Variants in CIZ1 observed in about 807,000 individuals in gnomAD.
CIZ1 encodes the protein CDKN1A interacting zinc finger protein 1.
In CIZ1, 58 loss-of-function variants were observed where a neutral mutation model predicts 118.6. The observed-to-expected ratio is 0.49, with a 90% confidence interval of 0.40 to 0.61. The LOEUF (loss-of-function observed/expected upper bound fraction) is 0.61. Ranked by LOEUF, CIZ1 falls within the 20% of genes least tolerant of loss-of-function variation. CIZ1 has a pLI of 0.00. For synonymous variants in CIZ1, 448 were observed against 443.4 expected (o/e 1.01, Z -0.13); for missense variants, 921 against 1,115.9 (o/e 0.83, Z 2.49).
At chr9:128,191,871 C>G, upstream of CIZ1, 1 of 1,464,204 alleles carries the variant, frequency 6.8e-7, no homozygotes, top group South Asian at 1.3e-5. This position sits in a 1 kb window ranked among gnomAD's most constrained non-coding sequence, Gnocchi z 5.5. Context: ...GCGGCCGCCG[C>G]GGTCCTGCGA....
chr9:128,196,698 G>A (rs1455289003), upstream of CIZ1: 1 of 152,184 alleles, frequency 6.6e-6, no homozygotes, highest in Non-Finnish European at 1.5e-5. Context: ...CCACCTCCCG[G>A]GTTCAAGCAA....
chr9:128,169,528 A>C lies in CIZ1; in HGVS notation c.2032-9T>G, dbSNP rs1419481897. 2 of 1,613,618 alleles carry C rather than the reference A, an allele frequency of 1.2e-6. No homozygotes were observed. The highest frequency in any genetic ancestry group is 2.7e-5 in the African/African-American group (2 of 74,914). On this transcript the variant is annotated splice_polypyrimidine_tract_variant and intron_variant, in intron 12 of 16. Transcript: ENST00000372938. Reference sequence around the variant, plus strand: ...AAGGATTGTTTGGCAATCTGGAAAAAGGCAGGCCAACCAAGCAGTGTCCCC... The same window carrying C: ...AAGGATTGTTTGGCAATCTGGAAAACGGCAGGCCAACCAAGCAGTGTCCCC...
rs780756425 is a variant in CIZ1 at position 128,179,036 on chromosome 9, C to T, written c.1171G>A (p.Val391Met). The T allele has an allele frequency of 6.2e-7, 1 of 1,612,762 alleles. No individual in the cohort carries two copies. The highest frequency in any genetic ancestry group is 8.5e-7 in the Non-Finnish European group (1 of 1,178,992). The change falls in exon 8 of 17, where the codon GTG becomes ATG. Residue 391 changes from valine (V) to methionine (M), a missense_variant. By Grantham distance (21) the Val-to-Met change is conservative (BLOSUM62 1). Coordinates refer to ENST00000372938, the MANE Select transcript of CIZ1 (RefSeq NM_001131016.2). ...GGCTCTGCCTCCTGCTGCAGCTGCACCTGCCTTGGGCCCTGTGAATGTGCC... is the reference window on the plus strand; with the variant it reads ...GGCTCTGCCTCCTGCTGCAGCTGCATCTGCCTTGGGCCCTGTGAATGTGCC... ...PQAHSQGPRQ[V>M]QLQQEAEPLK...
chr9:128,176,622 G>T (rs1253674584), intron 10 of CIZ1, 147 bp from the exon 11 acceptor site: 17 of 846,926 alleles, frequency 2.0e-5, no homozygotes, highest in Non-Finnish European at 2.8e-5. Context: ...GCTAGAGCAG[G>T]CATGATAAAC....
At chr9:128,191,960 A>T (rs1459038940), upstream of CIZ1, 6 of 1,378,742 alleles carry the variant, frequency 4.4e-6, no homozygotes, top group Non-Finnish European at 5.7e-6. The surrounding 1 kb of genome is among the most constrained non-coding windows in gnomAD (Gnocchi z 5.5). Flanking sequence ...GACCCAGGCC[A>T]GGCGAGAGGG....
rs1829941022 is a variant in CIZ1, at chr9:128,170,029, C to T, written c.2022G>A (p.Gln674=). The change falls in exon 12 of 17, where the codon CAG becomes CAA. Residue 674 remains glutamine, a synonymous_variant. Transcript: ENST00000372938. ...MGDLIQHRRT[Q]DHKIAKQSLR... ...GTGCAGGCCCTCCTACCTTGTGGTC[C>T]TGTGTCCTGCGGTGTTGGATCAGGT... is the stretch of plus-strand genomic sequence containing the variant. 6.2e-7 allele frequency: 1 copy of T among 1,613,404 alleles called. No homozygotes were observed. Among genetic ancestry groups the T allele is most frequent in the East Asian group, 2.2e-5 (1 of 44,884 alleles).
intron 10 of CIZ1, 52 bp downstream of exon 10, chr9:128,177,514 G>T: frequency 8.0e-7 from 1 of 1,247,792 alleles, no homozygotes; most frequent in Non-Finnish European, 1.1e-6. Context: ...GGGCAGGCTG[G>T]GCATTCCACG....
Position 128,203,512 on chromosome 9 carries a change from C to T in CIZ1, c.-6+674G>A. ...TGGAAGATCTCATCCCGCTGGTCAACCGGCTGCAAGACGCCTTCTCTGCCA... is the reference window on the plus strand; with the variant it reads ...TGGAAGATCTCATCCCGCTGGTCAATCGGCTGCAAGACGCCTTCTCTGCCA... On this transcript the variant is annotated intron_variant, in intron 1 of 17. Coordinates refer to the CIZ1 transcript ENST00000372948. This position sits in a 1 kb window ranked among gnomAD's most constrained non-coding sequence, Gnocchi z 5.3. The T allele has an allele frequency of 2.6e-6, 4 of 1,539,652 alleles. No homozygotes were observed. Among genetic ancestry groups the T allele is most frequent in the Non-Finnish European group, 2.6e-6 (3 of 1,146,398 alleles).
Position 128,190,319 on chromosome 9 carries a change from C to T in CIZ1, c.286+10G>A, listed in dbSNP as rs376273273. ...AAAGAGACTGAGAAGAGGCCTGGGG[C>T]CATCCATACCTTGCAACTGCTGTAA... On this transcript the variant is annotated intron_variant, in intron 3 of 16. Transcript: ENST00000372938. The T allele has an allele frequency of 7.5e-6, 12 of 1,593,526 alleles. No individual in the cohort carries two copies. In the African/African-American group the frequency reaches 9.4e-5, roughly 12 times the overall value.
chr9:128,169,448 C>T lies in CIZ1; in HGVS notation c.2103G>A (p.Val701=). The change falls in exon 13 of 17, where the codon GTG becomes GTA. Residue 701 remains valine (V), a synonymous_variant. Transcript: ENST00000372938. ...TATGCCCCTGGGACTTCACGTGCTC[C>T]ACAAACTTGCGAGGGGTTTTGAAGT... ...NRYFKTPRKF[V]EHVKSQGHKD... 1.2e-6 allele frequency: 2 copies of T among 1,614,224 alleles called. No homozygotes were observed. The highest frequency in any genetic ancestry group is 2.2e-5 in the East Asian group (1 of 44,876).
intron 11 of CIZ1, among the ~76,000 whole-genome samples, chr9:128,173,724 G>A (rs7847709): frequency 0.38 from 57,739 of 151,906 alleles, 13,108 homozygotes; most frequent in African/African-American, 0.64. Context: ...CGGCCAACGC[G>A]GGCCGGGCAT....
At chr9:128,168,961 C>A (rs1829784962) in intron 14 of CIZ1, 91 bp downstream of exon 14, 1 of 1,574,200 alleles carries the variant, frequency 6.4e-7, no homozygotes, top group Non-Finnish European at 8.7e-7. Flanking sequence ...CAGATGCCAG[C>A]CCAGTGTCTG....
In CIZ1 at chr9:128,176,375, C is replaced by T. The variant is rs770784977; in HGVS notation, c.1919G>A (p.Arg640Gln). 18 of 1,613,948 alleles carry T rather than the reference C, an allele frequency of 1.1e-5. No homozygotes were observed. The Admixed American group carries it at 1.5e-4, about 13-fold the overall frequency. The change falls in exon 11 of 17, where the codon CGG becomes CAG. Residue 640 changes from arginine (R) to glutamine (Q), a missense_variant. Physicochemically the swap from Arg to Gln is conservative, Grantham distance 43. Transcript: ENST00000372938. Reference sequence around the variant, plus strand: ...CTCATCCTCTGTCTCCAGGACGTCCCGGGGCACGGGCAGCAGGGACAGGAG... The same window carrying T: ...CTCATCCTCTGTCTCCAGGACGTCCTGGGGCACGGGCAGCAGGGACAGGAG... ...ACLLSLLPVP[R>Q]DVLETEDEEP...
intron 11 of CIZ1, 143 bp from the exon 12 acceptor site, chr9:128,170,250 A>T (rs1056898418): frequency 1.4e-6 from 1 of 725,852 alleles, no homozygotes; most frequent in East Asian, 2.7e-5. Context: ...TCTGAGGTTC[A>T]TCTGGATGAG....
intron 14 of CIZ1, among the ~76,000 whole-genome samples, chr9:128,168,376 C>T (rs576731469): frequency 3.9e-4 from 60 of 152,096 alleles, no homozygotes; most frequent in African/African-American, 1.3e-3. Flanking sequence ...ATTAGCCGGG[C>T]GTGGTGGTGG....
intron 11 of CIZ1, among the ~76,000 whole-genome samples, chr9:128,173,424 C>T (rs564158027): frequency 7.3e-5 from 11 of 151,610 alleles, no homozygotes; most frequent in Non-Finnish European, 1.3e-4. Context: ...GGATTACAGG[C>T]GTGAGCTACC....
At chr9:128,197,254 T>A (rs1320732859) in intron 1 of CIZ1, 1 of 152,252 alleles carries the variant, frequency 6.6e-6, no homozygotes, top group African/African-American at 2.4e-5. Flanking sequence ...ATTTCTTCCC[T>A]CTGTCCTCAG....
At chr9:128,199,210 A>G (rs1372694653) in intron 1 of CIZ1, among the ~76,000 whole-genome samples, 1 of 152,072 alleles carries the variant, frequency 6.6e-6, no homozygotes, top group East Asian at 1.9e-4. Flanking sequence ...TGTACTAAAA[A>G]TACAAAAATT....
intron 11 of CIZ1, among the ~76,000 whole-genome samples, chr9:128,171,179 C>A (rs891507099): frequency 6.6e-6 from 1 of 152,090 alleles, no homozygotes; most frequent in Non-Finnish European, 1.5e-5. Flanking sequence ...TGCCTATAAT[C>A]CCAGCACTTT....
Sources: gnomAD v4.1 joint callset for allele counts (sites outside exome capture counted in the v4.1 genomes callset) on GRCh38, gnomAD v4.1.1 for gene constraint, Gnocchi (gnomAD v3.1) non-coding constraint, MANE v1.5 for transcripts, NCBI Gene and HGNC (gene_info 2026-07-23, HGNC 2026-07-21) for gene names.